CAMTA1: variants seen among roughly 807,000 people sequenced by gnomAD.
CAMTA1 encodes the protein calmodulin-binding transcription activator 1.
CAMTA1 carries 27 observed loss-of-function variants against 170.9 expected under a neutral mutation model. The ratio of observed to expected loss-of-function variants is 0.16; its 90% CI spans 0.12 to 0.22. The LOEUF (loss-of-function observed/expected upper bound fraction) is 0.22, where lower values mean the gene tolerates loss of function less well. Among genes scored for constraint, CAMTA1 ranks in the 10% least tolerant of loss-of-function variants. The pLI is 1.00. For synonymous variants in CAMTA1, 833 were observed against 891.5 expected (o/e 0.93, Z 1.17); for missense variants, 1,619 against 2,217.2 (o/e 0.73, Z 5.42).
chr1:7,470,382 TA>T (rs2093309067), intron 6 of CAMTA1, among the ~76,000 whole-genome samples: 1 of 152,246 alleles, frequency 6.6e-6, no homozygotes, highest in Non-Finnish European at 1.5e-5. Flanking sequence ...TGGCCAGGTT[TA>T]ATTTCTCTGA....
At chr1:7,515,723 A>C (rs577247078) in intron 6 of CAMTA1, among the ~76,000 whole-genome samples, 2 of 152,252 alleles carry the variant, frequency 1.3e-5, no homozygotes, top group East Asian at 3.9e-4. Flanking sequence ...TCCCCTGCTA[A>C]GCTAACCTCT....
chr1:6,868,452 GCT>G (rs1667401989), intron 3 of CAMTA1, among the ~76,000 whole-genome samples: 1 of 151,996 alleles, frequency 6.6e-6, no homozygotes, highest in Admixed American at 6.6e-5. Flanking sequence ...CATTTTCTTG[GCT>G]CTTTGTTTTT....
intron 6 of CAMTA1, among the ~76,000 whole-genome samples, chr1:7,622,843 G>T (rs531639303): frequency 1.3e-5 from 2 of 152,244 alleles, no homozygotes; most frequent in African/African-American, 2.4e-5. Flanking sequence ...CATGGAACTC[G>T]GCCCTCACAG....
At chr1:7,356,309 C>G (rs1467177318) in intron 5 of CAMTA1, among the ~76,000 whole-genome samples, 1 of 152,240 alleles carries the variant, frequency 6.6e-6, no homozygotes, top group African/African-American at 2.4e-5. Flanking sequence ...CTCAAGTGCC[C>G]TTGGCCGACA....
At chr1:7,303,520 C>T (rs570886908) in intron 5 of CAMTA1, among the ~76,000 whole-genome samples, 5 of 152,240 alleles carry the variant, frequency 3.3e-5, no homozygotes, top group East Asian at 1.9e-4. Flanking sequence ...ATTTTACCAG[C>T]GTAGGTGTTA....
chr1:7,693,918 T>C (rs954455087), intron 11 of CAMTA1: 3 of 152,264 alleles, frequency 2.0e-5, no homozygotes, highest in Non-Finnish European at 4.4e-5. Context: ...AGCCAACCCC[T>C]ACCCTAAACC....
At position 7,665,067 on chromosome 1, in the gene CAMTA1, C is replaced by T. The variant is rs754706548; in HGVS notation, c.2520C>T (p.Ala840=). 3 of 1,567,630 alleles carry T rather than the reference C, an allele frequency of 1.9e-6. No individual in the cohort carries two copies. The highest frequency in any genetic ancestry group is 1.7e-6 in the Non-Finnish European group (2 of 1,156,618). ...AGCTGAGCAGCTCGGAGGGCGGGGC[C>T]AGCACCATGGCCTACATGCACGTCG... The part of the protein sequence containing the change: ...SLQLSSSEGG[A]STMAYMHVAE... The change falls in exon 9 of 23, where the codon GCC becomes GCT. Residue 840 remains alanine (A), a synonymous_variant. Coordinates refer to ENST00000303635, the MANE Select transcript of CAMTA1 (RefSeq NM_015215.4). This position sits in a 1 kb window ranked among gnomAD's most constrained non-coding sequence, Gnocchi z 4.3.
chr1:7,408,057 C>T (rs929142126), intron 5 of CAMTA1, among the ~76,000 whole-genome samples: 16 of 152,184 alleles, frequency 1.1e-4, no homozygotes, highest in African/African-American at 2.9e-4. Flanking sequence ...GCACCGGCCA[C>T]GAGGCCTGGT....
chr1:6,985,233 G>A (rs914591562), intron 3 of CAMTA1, among the ~76,000 whole-genome samples: 1 of 152,192 alleles, frequency 6.6e-6, no homozygotes, highest in Admixed American at 6.5e-5. Flanking sequence ...AGCTACGGGG[G>A]CCCCTCAGTA....
At chr1:6,962,300 G>A (rs952264437) in intron 3 of CAMTA1, among the ~76,000 whole-genome samples, 6 of 152,146 alleles carry the variant, frequency 3.9e-5, no homozygotes, top group Non-Finnish European at 5.9e-5. Context: ...CTTGCTGGGA[G>A]GCTGGTCCCT....
chr1:6,943,253 C>G (rs1686977349), intron 3 of CAMTA1, among the ~76,000 whole-genome samples: 1 of 152,054 alleles, frequency 6.6e-6, no homozygotes, highest in African/African-American at 2.4e-5. Context: ...TCCAGGACAC[C>G]ATGGTTCCTG....
intron 3 of CAMTA1, among the ~76,000 whole-genome samples, chr1:7,062,209 C>T (rs976766760): frequency 2.0e-5 from 3 of 152,106 alleles, no homozygotes; most frequent in Non-Finnish European, 4.4e-5. Flanking sequence ...TGAGTCACCG[C>T]CCCCGGCGGT....
chr1:6,924,219 C>T (rs115062456), intron 3 of CAMTA1, among the ~76,000 whole-genome samples: 4,193 of 152,298 alleles, frequency 0.028, 70 homozygotes, highest in Middle Eastern at 0.051. Context: ...GCTCTCTTGG[C>T]GCTTACCTTC....
At chr1:7,533,522 C>T (rs926286492) in intron 6 of CAMTA1, among the ~76,000 whole-genome samples, 8 of 152,208 alleles carry the variant, frequency 5.3e-5, no homozygotes, top group African/African-American at 9.6e-5. Flanking sequence ...GCAGGAAGCA[C>T]GGAGTCACAT....
intron 5 of CAMTA1, among the ~76,000 whole-genome samples, chr1:7,442,491 C>T (rs1028083445): frequency 2.6e-5 from 4 of 152,114 alleles, no homozygotes; most frequent in African/African-American, 9.7e-5. Flanking sequence ...TACCAATGGC[C>T]CGGTTGTATT....
rs539465658 is a variant in CAMTA1, at chr1:7,449,957, G to A, written c.439-17873G>A. On this transcript the variant is annotated intron_variant, in intron 5 of 22. Coordinates refer to ENST00000303635, the MANE Select transcript of CAMTA1 (RefSeq NM_015215.4). ...GCAACAAGACCACCAGGTGGCTTGG[G>A]GGTAGGAGGGAGGAGAGGGGCAGGG... Among the ~76,000 whole-genome samples the A allele has an allele frequency of 2.2e-3, 334 of 152,194 alleles. 1 individual carries two copies. Among genetic ancestry groups the A allele is most frequent in the African/African-American group, 7.9e-3 (327 of 41,528 alleles).
intron 6 of CAMTA1, among the ~76,000 whole-genome samples, chr1:7,596,616 T>C (rs1024134262): frequency 3.9e-5 from 6 of 152,218 alleles, no homozygotes; most frequent in African/African-American, 1.4e-4. Flanking sequence ...AGATGAACGA[T>C]GGGTGCCAGG....
At chr1:7,716,988 G>A (rs2096614894) in intron 11 of CAMTA1, among the ~76,000 whole-genome samples, 1 of 152,148 alleles carries the variant, frequency 6.6e-6, no homozygotes, top group Non-Finnish European at 1.5e-5. Context: ...GCTGAATATG[G>A]ACAGCATTCT....
At chr1:7,190,677 C>A (rs1344107499) in intron 4 of CAMTA1, among the ~76,000 whole-genome samples, 1 of 151,946 alleles carries the variant, frequency 6.6e-6, no homozygotes, top group Non-Finnish European at 1.5e-5. Context: ...TAGAAAAAAA[C>A]AAATATAGTA....
Sources: gnomAD v4.1 joint callset for allele counts (sites outside exome capture counted in the v4.1 genomes callset) on GRCh38, gnomAD v4.1.1 for gene constraint, Gnocchi (gnomAD v3.1) non-coding constraint, MANE v1.5 for transcripts, NCBI Gene and HGNC (gene_info 2026-07-23, HGNC 2026-07-21) for gene names.